Variants in PPIL4 observed in about 807,000 individuals in gnomAD.
The protein encoded by PPIL4 is peptidyl-prolyl cis-trans isomerase-like 4.
Under a neutral mutation model 69.1 loss-of-function variants are expected in PPIL4, and 50 were observed. The ratio of observed to expected loss-of-function variants is 0.72; its 90% CI spans 0.58 to 0.92. The LOEUF (loss-of-function observed/expected upper bound fraction) is 0.92. PPIL4 is among the 40% of genes least tolerant of loss of function. The pLI is 0.00. For missense variants in PPIL4, 480 were observed against 587.9 expected, an observed-to-expected ratio of 0.82 and a Z score of 1.90; for synonymous variants, 193 against 191.6, an observed-to-expected ratio of 1.01 and a Z score of -0.06.
chr6:149,514,961 C>T (rs1776918504), intron 11 of PPIL4, among the ~76,000 whole-genome samples: 1 of 151,838 alleles, frequency 6.6e-6, no homozygotes, highest in African/African-American at 2.4e-5. Flanking sequence ...CTCAGCCTCC[C>T]GAGTAGCTGG....
intron 7 of PPIL4, among the ~76,000 whole-genome samples, chr6:149,531,085 C>T (rs1439679141): frequency 6.6e-6 from 1 of 151,994 alleles, no homozygotes; most frequent in Admixed American, 6.6e-5. Flanking sequence ...TTCTATTGGC[C>T]GGGCACGGTG....
chr6:149,524,706 C>T (rs751786761), intron 9 of PPIL4, among the ~76,000 whole-genome samples: 1 of 152,066 alleles, frequency 6.6e-6, no homozygotes, highest in Non-Finnish European at 1.5e-5. Context: ...TCAAGACCAG[C>T]CTGGCCAATA....
At chr6:149,530,794 G>A (rs555792755) in intron 7 of PPIL4, among the ~76,000 whole-genome samples, 23 of 152,278 alleles carry the variant, frequency 1.5e-4, no homozygotes, top group South Asian at 6.2e-4. Flanking sequence ...AACTGGTGCA[G>A]TCAGGAATCA....
In PPIL4 at chr6:149,529,667, G is replaced by A. The variant is rs2115035602; in HGVS notation, c.679-2891C>T. Among the ~76,000 whole-genome samples, 2 of 151,620 alleles carry A rather than the reference G, an allele frequency of 1.3e-5. 1 individual carries two copies. The highest frequency in any genetic ancestry group is 4.2e-4 in the South Asian group (2 of 4,806). ...AGTCCCAGCTACTCAGGAGGCTGAG[G>A]CAGGAGAATCTCTTGAACCTGGGAG... On this transcript the variant is annotated intron_variant, in intron 7 of 12. Transcript: ENST00000253329.
intron 9 of PPIL4, among the ~76,000 whole-genome samples, chr6:149,523,615 T>A (rs1777063408): frequency 6.6e-6 from 1 of 151,230 alleles, no homozygotes; most frequent in South Asian, 2.1e-4. Context: ...CGCTTGAAAC[T>A]GGGAGGCGGA....
intron 6 of PPIL4, among the ~76,000 whole-genome samples, chr6:149,534,367 G>T (rs1195549755): frequency 6.6e-6 from 1 of 152,146 alleles, no homozygotes; most frequent in East Asian, 1.9e-4. Flanking sequence ...AGTGTCCCCA[G>T]TTGAAAAGTT....
At chr6:149,510,865 AAAG>A (rs987318722) in intron 12 of PPIL4, among the ~76,000 whole-genome samples, 5 of 152,202 alleles carry the variant, frequency 3.3e-5, no homozygotes, top group Non-Finnish European at 7.3e-5. Flanking sequence ...TTAAAAAAAA[AAAG>A]TAGTAACAAT....
intron 11 of PPIL4, 145 bp from the exon 12 acceptor site, chr6:149,512,447 A>T: frequency 2.0e-6 from 1 of 508,928 alleles, no homozygotes; most frequent in Non-Finnish European, 3.4e-6. Flanking sequence ...TTCTAAAACA[A>T]AACTAACATT....
At chr6:149,528,176 G>C (rs572090178) in intron 7 of PPIL4, among the ~76,000 whole-genome samples, 20 of 152,244 alleles carry the variant, frequency 1.3e-4, no homozygotes, top group African/African-American at 4.6e-4. Context: ...GGGTTCCAGA[G>C]TTTTTGAGGC....
Position 149,533,534 on chromosome 6 carries a change from T to C in PPIL4, c.602A>G (p.Lys201Arg), listed in dbSNP as rs1305311685. The change falls in exon 7 of 13, where the codon AAA (lysine) becomes AGA (arginine). Residue 201 changes from lysine to arginine, a missense_variant. Physicochemically the swap from Lys to Arg is conservative, Grantham distance 26. Transcript: ENST00000253329. ...TTCTACTTCCTCAGCTGATCTTCCTTTGAAATCATCAATTTCTTCATCTGC... is the reference window on the plus strand; with the variant it reads ...TTCTACTTCCTCAGCTGATCTTCCTCTGAAATCATCAATTTCTTCATCTGC... ...IGADEEIDDF[K>R]GRSAEEVEEI... 4 of 1,612,426 alleles carry C rather than the reference T, an allele frequency of 2.5e-6. No individual in the cohort carries two copies. In the African/African-American group the frequency reaches 4.0e-5, roughly 16 times the overall value.
At chr6:149,531,278 T>C (rs1044440628) in intron 7 of PPIL4, among the ~76,000 whole-genome samples, 2 of 149,312 alleles carry the variant, frequency 1.3e-5, no homozygotes, top group Admixed American at 6.8e-5. Flanking sequence ...GGCAGAAGAA[T>C]CGCTTGAACC....
At chr6:149,541,727 A>T in intron 1 of PPIL4, 141 bp from the exon 2 acceptor site, 1 of 544,988 alleles carries the variant, frequency 1.8e-6, no homozygotes, top group South Asian at 2.3e-5. Context: ...AAAAAGGGCA[A>T]TAGGCCGGGC....
chr6:149,519,956 A>T (rs1777004813), intron 10 of PPIL4, among the ~76,000 whole-genome samples: 2 of 152,168 alleles, frequency 1.3e-5, no homozygotes, highest in African/African-American at 4.8e-5. Flanking sequence ...GAGAGACCCA[A>T]CTTTTAAGAC....
rs1178698495 is a variant in PPIL4, at chr6:149,505,462, C to T, written c.1470G>A (p.Lys490=). 1 of 1,612,098 alleles carries T rather than the reference C, an allele frequency of 6.2e-7. No individual in the cohort carries two copies. The highest frequency in any genetic ancestry group is 1.3e-5 in the African/African-American group (1 of 74,768). The change falls in exon 13 of 13, where the codon AAG becomes AAA. Residue 490 remains lysine, a synonymous_variant. Transcript: ENST00000253329. The stretch of plus-strand genomic sequence containing the variant: ...TCTGCCTCTTCATCTTTCATCTATA[C>T]TTAGATTTTTCTTTATCTTTGGACT... ...PKKSKDKEKS[K]YR
At chr6:149,530,247 T>C (rs1443113732) in intron 7 of PPIL4, among the ~76,000 whole-genome samples, 1 of 152,178 alleles carries the variant, frequency 6.6e-6, no homozygotes, top group Non-Finnish European at 1.5e-5. Flanking sequence ...AGAAACTCTC[T>C]GTACTTTATG....
Position 149,541,377 on chromosome 6 carries a change from A to G in PPIL4, c.193T>C (p.Ser65Pro). The G allele has an allele frequency of 7.3e-7, 1 of 1,376,820 alleles. No homozygotes were observed. The allele number at this position is 1,376,820 out of a possible 1,614,324, so 85.3% of individuals were successfully genotyped here. A position where few individuals can be genotyped will look rare whatever the true frequency, so the allele number is the denominator to read the frequency against. The change falls in exon 3 of 13, where the codon TCT becomes CCT. Residue 65 changes from serine to proline, a missense_variant. Ser to Pro is a moderately conservative substitution (Grantham distance 74). Coordinates refer to ENST00000253329, the MANE Select transcript of PPIL4 (RefSeq NM_139126.4). ...AATAAAACAACTTACCCAAAGATAG[A>G]CTCTCCTCCACGGCCAGTCCCTGTA... Reference protein sequence around the residue: ...DPTGTGRGGESIFGQLYGDQA... With the variant: ...DPTGTGRGGEPIFGQLYGDQA...
intron 7 of PPIL4, among the ~76,000 whole-genome samples, chr6:149,528,462 T>C (rs1777142349): frequency 6.6e-6 from 1 of 152,198 alleles, no homozygotes; most frequent in Non-Finnish European, 1.5e-5. Context: ...AAAACTAATT[T>C]TACAAAACAC....
At chr6:149,525,234 CT>C (rs1238756737) in intron 8 of PPIL4, 25 bp from the exon 9 acceptor site, 3 of 1,168,328 alleles carry the variant, frequency 2.6e-6, no homozygotes, top group African/African-American at 1.6e-5. Flanking sequence ...TTAAAAGTGA[CT>C]TAAAAAAAAA....
At chr6:149,538,814 C>T (rs932213530) in intron 4 of PPIL4, among the ~76,000 whole-genome samples, 2 of 151,940 alleles carry the variant, frequency 1.3e-5, no homozygotes, top group African/African-American at 2.4e-5. Flanking sequence ...ATATGGAGCT[C>T]CTTCTTAAGG....
Sources: gnomAD v4.1 joint callset for allele counts (sites outside exome capture counted in the v4.1 genomes callset) on GRCh38, gnomAD v4.1.1 for gene constraint, MANE v1.5 for transcripts, NCBI Gene and HGNC (gene_info 2026-07-23, HGNC 2026-07-21) for gene names.